The following GRB10 variants were observed in gnomAD, a reference collection of about 807,000 sequenced individuals.
GRB10 encodes the protein growth factor receptor-bound protein 10.
GRB10 carries 20 observed loss-of-function variants against 80.9 expected under a neutral mutation model. That is an observed-to-expected ratio of 0.25 (90% confidence interval 0.17 to 0.36). The LOEUF (loss-of-function observed/expected upper bound fraction) is 0.36. Ranked by LOEUF, GRB10 falls within the 10% of genes least tolerant of loss-of-function variation. The pLI, the probability that GRB10 is intolerant of heterozygous loss-of-function variation, is 1.00. For missense variants in GRB10, 548 were observed against 747.7 expected, an observed-to-expected ratio of 0.73 and a Z score of 3.12; for synonymous variants, 291 against 291.5, an observed-to-expected ratio of 1.00 and a Z score of 0.02.
chr7:50,709,732 G>C (rs1280082310), intron 4 of GRB10, among the ~76,000 whole-genome samples: 1 of 152,140 alleles, frequency 6.6e-6, no homozygotes, highest in Non-Finnish European at 1.5e-5. Context: ...AAAATGGTGA[G>C]CTGTGCTGTG....
rs555920937 is a variant in GRB10 at position 50,626,810 on chromosome 7, A to T, written c.661+12T>A. Reference sequence around the variant, plus strand: ...ATCCCCAGGTGCCAATCCTGTTCTGATGGTTCCCTACCTAATCCTAGGTGC... The same window carrying T: ...ATCCCCAGGTGCCAATCCTGTTCTGTTGGTTCCCTACCTAATCCTAGGTGC... On this transcript the variant is annotated intron_variant, in intron 8 of 18. Transcript: ENST00000401949. 1.9e-6 allele frequency: 3 copies of T among 1,614,070 alleles called. No individual in the cohort carries two copies. The East Asian group carries it at 6.7e-5, about 36-fold the overall frequency.
At chr7:50,792,669 G>A (rs1306151658) in intron 1 of GRB10, 4 of 390,250 alleles carry the variant, frequency 1.0e-5, no homozygotes, top group African/African-American at 6.2e-5. Flanking sequence ...TCCTCCGTAC[G>A]AGGCTGGGCC....
intron 1 of GRB10, chr7:50,792,391 C>T: frequency 5.0e-6 from 2 of 398,104 alleles, no homozygotes; most frequent in Non-Finnish European, 4.4e-6. Flanking sequence ...AAAAAGTTCG[C>T]GTTTCTTCCA....
At chr7:50,645,073 T>C (rs757894486) in intron 7 of GRB10, among the ~76,000 whole-genome samples, 2 of 152,234 alleles carry the variant, frequency 1.3e-5, no homozygotes, top group African/African-American at 2.4e-5. Context: ...TTTAGGGCTA[T>C]AATTTTATTC....
chr7:50,709,522 A>C (rs1415798268), intron 4 of GRB10, among the ~76,000 whole-genome samples: 1 of 150,346 alleles, frequency 6.7e-6, no homozygotes, highest in East Asian at 2.0e-4. Context: ...GGGACCCACA[A>C]CTCAGCTGCT....
chr7:50,662,049 T>C (rs1353064137), intron 7 of GRB10, among the ~76,000 whole-genome samples: 1 of 152,204 alleles, frequency 6.6e-6, no homozygotes, highest in African/African-American at 2.4e-5. Context: ...TGTCCCACGC[T>C]TGCCAGGAGA....
chr7:50,724,261 G>A (rs1035589620), intron 4 of GRB10, among the ~76,000 whole-genome samples: 4 of 152,180 alleles, frequency 2.6e-5, no homozygotes, highest in Admixed American at 6.5e-5. Flanking sequence ...AGCCACCTGC[G>A]GGGAAGAAGC....
intron 3 of GRB10, among the ~76,000 whole-genome samples, chr7:50,736,287 A>G (rs1260167790): frequency 6.6e-6 from 1 of 152,196 alleles, no homozygotes; most frequent in Non-Finnish European, 1.5e-5. Context: ...CTTCATCTCA[A>G]AAAAACAAAA....
chr7:50,639,308 A>C (rs1257118885), intron 7 of GRB10, among the ~76,000 whole-genome samples: 1 of 152,260 alleles, frequency 6.6e-6, no homozygotes, highest in African/African-American at 2.4e-5. Context: ...TGAAAATTAA[A>C]AAGATGTTGT....
Position 50,782,098 on chromosome 7 carries a change from G to T in GRB10, c.-327+326C>A, listed in dbSNP as rs527500536. ...GCCCACCACCTGGCGAGGAAGGAGC[G>T]GGCGAGGTTCGCTCGAATCGTCGTC... On this transcript the variant is annotated intron_variant, in intron 1 of 18. Transcript: ENST00000401949. This position sits in a 1 kb window ranked among gnomAD's most constrained non-coding sequence, Gnocchi z 6.6. 6.6e-6 allele frequency among the ~76,000 whole-genome samples: 1 copy of T among 152,342 alleles called. No individual in the cohort carries two copies. The highest frequency in any genetic ancestry group is 2.1e-4 in the South Asian group (1 of 4,832).
intron 10 of GRB10, among the ~76,000 whole-genome samples, chr7:50,616,700 G>A (rs996313806): frequency 6.6e-6 from 1 of 152,214 alleles, no homozygotes; most frequent in Non-Finnish European, 1.5e-5. Flanking sequence ...CAGTGAGTAT[G>A]TAGTGGCCAC....
chr7:50,703,996 T>C, intron 4 of GRB10, 88 bp from the exon 5 acceptor site: 2 of 868,836 alleles, frequency 2.3e-6, no homozygotes, highest in Non-Finnish European at 3.8e-6. Context: ...AGCATTTCCT[T>C]TCTTCCTCAA....
chr7:50,791,156 T>C (rs1334121563), intron 1 of GRB10, among the ~76,000 whole-genome samples: 2 of 152,220 alleles, frequency 1.3e-5, no homozygotes, highest in African/African-American at 4.8e-5. Context: ...TAGATGACTT[T>C]AGGGGTACAC....
chr7:50,600,544 G>T (rs2047424900), intron 17 of GRB10, among the ~76,000 whole-genome samples: 1 of 152,152 alleles, frequency 6.6e-6, no homozygotes, highest in Admixed American at 6.5e-5. Flanking sequence ...AAGAAAGAAA[G>T]GGAGAATGCA....
intron 2 of GRB10, among the ~76,000 whole-genome samples, chr7:50,773,254 T>G (rs2153710053): frequency 6.6e-6 from 1 of 151,796 alleles, no homozygotes; most frequent in South Asian, 2.1e-4. Context: ...ATGTGGAAAT[T>G]ATGGGAGCTA....
At chr7:50,646,552 T>C (rs1481450119) in intron 7 of GRB10, among the ~76,000 whole-genome samples, 1 of 152,198 alleles carries the variant, frequency 6.6e-6, no homozygotes, top group Non-Finnish European at 1.5e-5. Flanking sequence ...TTCTCCTTTT[T>C]TTGGTCTCCT....
intron 5 of GRB10, among the ~76,000 whole-genome samples, chr7:50,703,359 C>T (rs548612724): frequency 1.3e-5 from 2 of 152,296 alleles, no homozygotes; most frequent in South Asian, 4.1e-4. Context: ...GTCTAATTTT[C>T]TAAAGGTAGT....
chr7:50,661,450 G>A (rs2059263078), intron 7 of GRB10, among the ~76,000 whole-genome samples: 1 of 152,228 alleles, frequency 6.6e-6, no homozygotes, highest in African/African-American at 2.4e-5. Flanking sequence ...AACTCATTAT[G>A]TAGCTGCACG....
At chr7:50,617,756 A>G (rs1277002513) in intron 10 of GRB10, 4 of 448,356 alleles carry the variant, frequency 8.9e-6, no homozygotes, top group African/African-American at 2.0e-5. Context: ...GAGCCCTGAG[A>G]CTGGGGTTTC....
Sources: gnomAD v4.1 joint callset for allele counts (sites outside exome capture counted in the v4.1 genomes callset) on GRCh38, gnomAD v4.1.1 for gene constraint, Gnocchi (gnomAD v3.1) non-coding constraint, MANE v1.5 for transcripts, NCBI Gene and HGNC (gene_info 2026-07-23, HGNC 2026-07-21) for gene names.